The following ZNF44 variants were observed in gnomAD, a reference collection of about 807,000 sequenced individuals.
ZNF44 encodes the protein gonadotropin inducible transcription repressor-2.
Under a neutral mutation model 11.7 loss-of-function variants are expected in ZNF44, and 9 were observed. The observed-to-expected ratio is 0.77, with a 90% CI of 0.46 to 1.35. ZNF44 has a LOEUF of 1.35. Among genes scored for constraint, ZNF44 ranks in the 40% most tolerant of loss-of-function variants. The pLI is 0.00. For synonymous variants in ZNF44, 224 were observed against 242.7 expected (o/e 0.92, Z 0.72); for missense variants, 696 against 743.1 (o/e 0.94, Z 0.74).
rs559669044 is a variant in ZNF44, at chr19:12,283,736, C to A, written c.4-7654G>T. ...GAACTCTAATTACATTAAGAAGAAG[C>A]AGGCATAGTGACTCACATCTATAAT... On this transcript the variant is annotated intron_variant, in intron 1 of 3. Transcript: ENST00000355684. Among the ~76,000 whole-genome samples, 4 of 152,278 alleles carry A rather than the reference C, an allele frequency of 2.6e-5. No individual in the cohort carries two copies. The South Asian group carries it at 8.3e-4, about 32-fold the overall frequency.
At chr19:12,243,212 T>C (rs951976371), downstream of ZNF44, among the ~76,000 whole-genome samples, 1 of 152,174 alleles carries the variant, frequency 6.6e-6, no homozygotes, top group Non-Finnish European at 1.5e-5. Flanking sequence ...TTTTGATGTA[T>C]ATATATACAT....
At chr19:12,241,831 C>T (rs1489935606), upstream of ZNF44, among the ~76,000 whole-genome samples, 2 of 152,110 alleles carry the variant, frequency 1.3e-5, no homozygotes, top group Non-Finnish European at 2.9e-5. Context: ...TGTGGTGTAT[C>T]CAATATACCA....
chr19:12,233,646 A>C (rs948275442), intron 2 of ZNF44, among the ~76,000 whole-genome samples: 4 of 152,150 alleles, frequency 2.6e-5, no homozygotes, highest in African/African-American at 9.7e-5. Context: ...TACATTATAA[A>C]TATGTTCACA....
At chr19:12,228,872 T>A (rs1379653513) in intron 3 of ZNF44, among the ~76,000 whole-genome samples, 1 of 152,202 alleles carries the variant, frequency 6.6e-6, no homozygotes, top group Non-Finnish European at 1.5e-5. Flanking sequence ...ACAAAGATTA[T>A]TTTGTTTGGG....
upstream of ZNF44, among the ~76,000 whole-genome samples, chr19:12,240,247 C>G (rs1195772834): frequency 1.3e-5 from 2 of 151,816 alleles, no homozygotes; most frequent in Non-Finnish European, 2.9e-5. Context: ...AGTTCAAGAC[C>G]AGCATGGCCA....
At chr19:12,281,873 A>G (rs898205836) in intron 1 of ZNF44, among the ~76,000 whole-genome samples, 2 of 152,222 alleles carry the variant, frequency 1.3e-5, no homozygotes, top group Non-Finnish European at 2.9e-5. Flanking sequence ...TCTACTGAAG[A>G]TATTAATAAA....
Position 12,276,099 on chromosome 19 carries a change from G to C in ZNF44, c.4-17C>G. On this transcript the variant is annotated splice_polypyrimidine_tract_variant and intron_variant, in intron 1 of 3. Transcript: ENST00000355684. ...CACTGAGTCCTGAAACATCCCATAT[G>C]TCCAGAAAAGGAAGGTTGAAACTCA... 6.3e-7 allele frequency: 1 copy of C among 1,596,072 alleles called. No homozygotes were observed. Among genetic ancestry groups the C allele is most frequent in the South Asian group, 1.1e-5 (1 of 90,970 alleles).
At chr19:12,234,636 A>C (rs1916306087) in intron 2 of ZNF44, 1 of 152,186 alleles carries the variant, frequency 6.6e-6, no homozygotes, top group African/African-American at 2.4e-5. Flanking sequence ...TTGTTCTCTA[A>C]TTGACTAAAG....
rs2145721690 is a variant in ZNF44, at chr19:12,272,781, A to G, written c.1474T>C (p.Cys492Arg). 6.2e-7 allele frequency: 1 copy of G among 1,613,672 alleles called. No homozygotes were observed. The highest frequency in any genetic ancestry group is 1.3e-5 in the African/African-American group (1 of 74,952). The change falls in exon 4 of 4, where the codon TGT becomes CGT. Residue 492 changes from cysteine to arginine, a missense_variant. Cys to Arg is a radical substitution (Grantham distance 180). Coordinates refer to ENST00000355684, the MANE Select transcript of ZNF44 (RefSeq NM_016264.4). ...GKAFSSFKYF[C>R]RHERTHSEEK... ...TCACTGTGAGTCCTTTCATGGCGACAAAAGTATTTAAAAGAACTAAATGCT... is the reference window on the plus strand; with the variant it reads ...TCACTGTGAGTCCTTTCATGGCGACGAAAGTATTTAAAAGAACTAAATGCT...
At chr19:12,229,675 G>A (rs569870127) in intron 3 of ZNF44, among the ~76,000 whole-genome samples, 10 of 151,502 alleles carry the variant, frequency 6.6e-5, no homozygotes, top group East Asian at 5.8e-4. Flanking sequence ...GTGTAGTGGC[G>A]TGATCTCTGC....
downstream of ZNF44, among the ~76,000 whole-genome samples, chr19:12,267,859 C>T: frequency 6.8e-6 from 1 of 148,122 alleles, no homozygotes; most frequent in South Asian, 2.1e-4. Context: ...ATTTTTGAGA[C>T]AGAGTCTTGC....
intron 5 of ZNF44, chr19:12,260,286 G>C: frequency 1.2e-6 from 1 of 848,942 alleles, no homozygotes; most frequent in Admixed American, 1.7e-5. Flanking sequence ...GGAGCCGGCA[G>C]CCGAGGACAA....
Position 12,273,391 on chromosome 19 carries a change from T to C in ZNF44, c.864A>G (p.Lys288=). Residue 288 remains lysine (K), a synonymous_variant, in exon 4 of 4, where the codon AAA becomes AAG. Coordinates refer to ENST00000355684, the MANE Select transcript of ZNF44 (RefSeq NM_016264.4). The part of the protein sequence containing the change: ...EKPYKCKQCG[K]AFSVSGSLRV... ...GAAGGGAACCGGAAACACTGAAGGC[T>C]TTCCCACATTGTTTACATTTGTAGG... is the stretch of plus-strand genomic sequence containing the variant. 6.2e-7 allele frequency: 1 copy of C among 1,614,068 alleles called. No homozygotes were observed. The highest frequency in any genetic ancestry group is 8.5e-7 in the Non-Finnish European group (1 of 1,179,984).
upstream of ZNF44, among the ~76,000 whole-genome samples, chr19:12,242,434 T>C (rs1429205320): frequency 3.4e-5 from 5 of 148,624 alleles, no homozygotes; most frequent in Admixed American, 3.4e-4. Flanking sequence ...AGCGTGAACC[T>C]GGGAGGCGGA....
chr19:12,263,844 A>C (rs1917620460), intron 5 of ZNF44, among the ~76,000 whole-genome samples: 1 of 151,650 alleles, frequency 6.6e-6, no homozygotes, highest in South Asian at 2.1e-4. Context: ...AGAATGGCGT[A>C]AACCCAGGAG....
chr19:12,242,060 G>A (rs1273211035), upstream of ZNF44, among the ~76,000 whole-genome samples: 1 of 152,136 alleles, frequency 6.6e-6, no homozygotes, highest in Non-Finnish European at 1.5e-5. Flanking sequence ...ATAGGGAATG[G>A]TTGTTTAATG....
intron 1 of ZNF44, among the ~76,000 whole-genome samples, chr19:12,236,883 G>GT (rs931821124): frequency 6.6e-6 from 1 of 152,116 alleles, no homozygotes; most frequent in African/African-American, 2.4e-5. Context: ...TAAAACGCCT[G>GT]TTTTTTTAAC....
At chr19:12,255,647 A>G (rs959219268) in intron 5 of ZNF44, among the ~76,000 whole-genome samples, 1 of 152,206 alleles carries the variant, frequency 6.6e-6, no homozygotes, top group Non-Finnish European at 1.5e-5. Flanking sequence ...ATTTCTATTC[A>G]ACATGGGACT....
intron 3 of ZNF44, among the ~76,000 whole-genome samples, chr19:12,228,229 T>C (rs1028423791): frequency 6.6e-6 from 1 of 151,918 alleles, no homozygotes; most frequent in South Asian, 2.1e-4. Flanking sequence ...TAGGTAAAAA[T>C]CCACATTCTC....
Sources: gnomAD v4.1 joint callset for allele counts (sites outside exome capture counted in the v4.1 genomes callset) on GRCh38, gnomAD v4.1.1 for gene constraint, MANE v1.5 for transcripts, NCBI Gene and HGNC (gene_info 2026-07-23, HGNC 2026-07-21) for gene names.